CCSER1: variants seen among roughly 807,000 people sequenced by gnomAD.
The protein encoded by CCSER1 is coiled-coil serine rich protein 1.
A neutral mutation model predicts 82.0 loss-of-function variants in CCSER1; 41 were observed. The observed-to-expected ratio is 0.50, with a 90% CI of 0.39 to 0.65. The LOEUF (loss-of-function observed/expected upper bound fraction) is 0.65. Ranked by LOEUF, CCSER1 falls within the 30% of genes least tolerant of loss-of-function variation. CCSER1 has a pLI of 0.00. For synonymous variants in CCSER1, 414 were observed against 383.9 expected (o/e 1.08, Z -0.92); for missense variants, 1,119 against 1,064.2 (o/e 1.05, Z -0.72).
chr4:90,839,692 C>A (rs965079053), intron 8 of CCSER1, among the ~76,000 whole-genome samples: 1 of 152,160 alleles, frequency 6.6e-6, no homozygotes, highest in Non-Finnish European at 1.5e-5. Context: ...ATATTTCATC[C>A]TTTTGCCCAA....
At chr4:91,074,210 G>A (rs1425136140) in intron 9 of CCSER1, among the ~76,000 whole-genome samples, 3 of 152,138 alleles carry the variant, frequency 2.0e-5, no homozygotes, top group African/African-American at 7.2e-5. Flanking sequence ...AATGGGGGAA[G>A]AACTATTTTG....
At chr4:91,218,029 T>C (rs7674177) in intron 10 of CCSER1, among the ~76,000 whole-genome samples, 94,567 of 152,060 alleles carry the variant, frequency 0.62, 30,077 homozygotes, top group East Asian at 0.93. Context: ...GGGTGGTGCT[T>C]GTCGGGGAGG....
chr4:91,013,171 T>C (rs62309837), intron 9 of CCSER1, among the ~76,000 whole-genome samples: 12,995 of 134,036 alleles, frequency 0.097, 2,613 homozygotes, highest in South Asian at 0.16. Flanking sequence ...AATGTCACAC[T>C]CTCTTTTCCA....
chr4:91,115,816 T>C (rs956002576), intron 10 of CCSER1, among the ~76,000 whole-genome samples: 30 of 144,230 alleles, frequency 2.1e-4, no homozygotes, highest in Non-Finnish European at 3.3e-4. Flanking sequence ...CTTTTTTTTT[T>C]TTTTTTTTTC....
chr4:90,757,933 CTTTTTTT>C (rs200053849), intron 7 of CCSER1, among the ~76,000 whole-genome samples: 15 of 136,474 alleles, frequency 1.1e-4, no homozygotes, highest in East Asian at 2.1e-4. Flanking sequence ...GTTTCCTTTT[CTTTTTTT>C]TTTTTTTTTT....
At chr4:90,205,778 G>T (rs11728355) in intron 1 of CCSER1, among the ~76,000 whole-genome samples, 85,874 of 151,942 alleles carry the variant, frequency 0.57, 24,923 homozygotes, top group African/African-American at 0.69. Flanking sequence ...AATGGTACCA[G>T]CTCCTCTTTG....
intron 1 of CCSER1, among the ~76,000 whole-genome samples, chr4:90,288,204 C>G (rs1308231494): frequency 6.6e-6 from 1 of 151,908 alleles, no homozygotes; most frequent in Non-Finnish European, 1.5e-5. Context: ...TAATTTAGCT[C>G]CCTACAAGGA....
chr4:91,241,881 A>G (rs1018887181), intron 10 of CCSER1, among the ~76,000 whole-genome samples: 1 of 152,180 alleles, frequency 6.6e-6, no homozygotes, highest in African/African-American at 2.4e-5. Context: ...TGCTTAATCC[A>G]TAACACCATG....
At chr4:90,573,104 G>A (rs1031013759) in intron 5 of CCSER1, among the ~76,000 whole-genome samples, 3 of 152,236 alleles carry the variant, frequency 2.0e-5, no homozygotes, top group Admixed American at 1.3e-4. Context: ...TGCAAACTCA[G>A]TGCGCCTGTA....
At chr4:90,438,022 C>T (rs1466606358) in intron 4 of CCSER1, among the ~76,000 whole-genome samples, 1 of 151,946 alleles carries the variant, frequency 6.6e-6, no homozygotes, top group Non-Finnish European at 1.5e-5. Flanking sequence ...CTCCACAGTT[C>T]TGTAAAATGC....
chr4:90,479,310 G>A (rs568784255), intron 5 of CCSER1, among the ~76,000 whole-genome samples: 1 of 152,084 alleles, frequency 6.6e-6, no homozygotes, highest in Admixed American at 6.5e-5. Context: ...TGAGCCAGGA[G>A]GAAAACTTTT....
intron 1 of CCSER1, among the ~76,000 whole-genome samples, chr4:90,157,767 A>T (rs1033382249): frequency 6.6e-6 from 1 of 152,120 alleles, no homozygotes; most frequent in Non-Finnish European, 1.5e-5. Flanking sequence ...TTCTAGTTAT[A>T]CATTCATCTA....
At chr4:90,918,415 A>C (rs1727840159) in intron 8 of CCSER1, 2 of 370,842 alleles carry the variant, frequency 5.4e-6, no homozygotes, top group South Asian at 4.2e-5. Flanking sequence ...CAGCACTGAA[A>C]GCTGGAGTAA....
chr4:90,704,608 T>C (rs182435966), intron 6 of CCSER1, among the ~76,000 whole-genome samples: 1 of 152,328 alleles, frequency 6.6e-6, no homozygotes, highest in East Asian at 1.9e-4. Context: ...CTTTCAGGTA[T>C]ACCAATCAGA....
chr4:90,204,851 T>C (rs866868975), intron 1 of CCSER1, among the ~76,000 whole-genome samples: 1 of 152,242 alleles, frequency 6.6e-6, no homozygotes, highest in African/African-American at 2.4e-5. Context: ...CATTTGTTTG[T>C]GTCCTCTCTT....
At chr4:90,883,200 G>A (rs1721602242) in intron 8 of CCSER1, among the ~76,000 whole-genome samples, 1 of 152,062 alleles carries the variant, frequency 6.6e-6, no homozygotes, top group African/African-American at 2.4e-5. Flanking sequence ...GAATAAACCT[G>A]TCACTATAAT....
At chr4:91,526,924 C>T (rs566164312) in intron 10 of CCSER1, among the ~76,000 whole-genome samples, 5 of 149,204 alleles carry the variant, frequency 3.4e-5, no homozygotes, top group Middle Eastern at 3.4e-3. Context: ...TAGGAGTTGT[C>T]CTATTCTCAT....
intron 3 of CCSER1, among the ~76,000 whole-genome samples, chr4:90,320,010 TTTA>T (rs1736846042): frequency 6.6e-6 from 1 of 152,188 alleles, no homozygotes; most frequent in Admixed American, 6.5e-5. Flanking sequence ...CCTTTATGCT[TTTA>T]TTTGTTTTTC....
intron 10 of CCSER1, among the ~76,000 whole-genome samples, chr4:91,517,596 C>T (rs890035151): frequency 3.3e-5 from 5 of 152,086 alleles, no homozygotes; most frequent in African/African-American, 1.2e-4. Context: ...TCATTCCTGT[C>T]CATATTCTTA....
Sources: allele counts gnomAD v4.1 joint callset (sites outside exome capture counted in the v4.1 genomes callset), GRCh38; gene constraint gnomAD v4.1.1; transcripts MANE v1.5; gene names NCBI Gene and HGNC (gene_info 2026-07-23, HGNC 2026-07-21).